The following HRH1 variants were observed in gnomAD, a reference collection of about 807,000 sequenced individuals.
HRH1 encodes histamine receptor H1, also known as histamine H1 receptor.
In HRH1, 6 loss-of-function variants were observed where a neutral mutation model predicts 10.3. The observed-to-expected ratio is 0.58, with a 90% confidence interval of 0.32 to 1.15. The LOEUF (loss-of-function observed/expected upper bound fraction) is 1.15. Ranked by LOEUF, HRH1 falls within the 50% of genes most tolerant of loss-of-function variation. HRH1 has a pLI of 0.05. For missense variants in HRH1, 514 were observed against 615.3 expected (o/e 0.84, Z 1.74); for synonymous variants, 242 against 236.7 (o/e 1.02, Z -0.21).
intron 1 of HRH1, among the ~76,000 whole-genome samples, chr3:11,187,253 C>A (rs995681983): frequency 1.3e-5 from 2 of 152,052 alleles, no homozygotes; most frequent in African/African-American, 4.8e-5. Flanking sequence ...TTTCAGTCTC[C>A]TGTGACACAA....
intron 1 of HRH1, among the ~76,000 whole-genome samples, chr3:11,246,772 G>A (rs368453467): frequency 9.9e-5 from 15 of 152,060 alleles, no homozygotes; most frequent in South Asian, 2.1e-4. Flanking sequence ...GGCTGGGCAC[G>A]GTGACTCACC....
At chr3:11,193,247 G>C (rs1031466858) in intron 1 of HRH1, among the ~76,000 whole-genome samples, 5 of 152,176 alleles carry the variant, frequency 3.3e-5, no homozygotes, top group African/African-American at 9.7e-5. Context: ...CCTCTCCTAA[G>C]TTAAAATAAT....
At chr3:11,203,543 G>A (rs1938009597) in intron 1 of HRH1, among the ~76,000 whole-genome samples, 1 of 152,092 alleles carries the variant, frequency 6.6e-6, no homozygotes, top group African/African-American at 2.4e-5. Flanking sequence ...AAGGGTGTAA[G>A]GTCTGTATCT....
intron 1 of HRH1, among the ~76,000 whole-genome samples, chr3:11,188,611 A>G (rs1937490824): frequency 6.6e-6 from 1 of 152,252 alleles, no homozygotes; most frequent in Non-Finnish European, 1.5e-5. Context: ...AAGGACGTGC[A>G]TTACAATTCT....
chr3:11,156,348 A>G (rs1936794656), intron 1 of HRH1, among the ~76,000 whole-genome samples: 1 of 152,048 alleles, frequency 6.6e-6, no homozygotes. Context: ...TGCACCCCAG[A>G]GTGGTTTGGC....
At chr3:11,256,844 T>C (rs1307164704) in intron 1 of HRH1, among the ~76,000 whole-genome samples, 1 of 152,046 alleles carries the variant, frequency 6.6e-6, no homozygotes, top group Admixed American at 6.5e-5. Context: ...AGAACTTATC[T>C]GGCTTTGTCT....
chr3:11,167,941 G>A (rs1409388937), intron 1 of HRH1, among the ~76,000 whole-genome samples: 1 of 152,220 alleles, frequency 6.6e-6, no homozygotes, highest in African/African-American at 2.4e-5. Flanking sequence ...GATGAACAAG[G>A]CGGGAGAACC....
chr3:11,180,943 A>C (rs1937339214), intron 1 of HRH1, among the ~76,000 whole-genome samples: 1 of 137,698 alleles, frequency 7.3e-6, no homozygotes, highest in African/African-American at 2.8e-5. Context: ...CACTTCTCTC[A>C]GGCATACACA....
chr3:11,240,309 T>G (rs1575036305), intron 1 of HRH1, among the ~76,000 whole-genome samples: 1 of 152,082 alleles, frequency 6.6e-6, no homozygotes, highest in East Asian at 1.9e-4. Context: ...AATGAAACAA[T>G]TGAATAATTG....
rs1939975244 is a variant in HRH1 at position 11,262,253 on chromosome 3, G to A, written c.*1752G>A. ...TCCTCTTTGCATGATCTGTCAAAGTGAGATATTTTTACCTGCCTAAAATAT... is the reference window on the plus strand; with the variant it reads ...TCCTCTTTGCATGATCTGTCAAAGTAAGATATTTTTACCTGCCTAAAATAT... On this transcript the variant is annotated 3_prime_UTR_variant, in exon 2 of 2. Coordinates refer to ENST00000431010, the MANE Select transcript of HRH1 (RefSeq NM_001098212.2). 6.0e-6 allele frequency: 1 copy of A among 167,006 alleles called. No homozygotes were observed. The highest frequency in any genetic ancestry group is 1.5e-5 in the Non-Finnish European group (1 of 68,118). 10.3% of individuals were successfully genotyped at this position (167,006 alleles called of 1,614,324 possible).
intron 1 of HRH1, among the ~76,000 whole-genome samples, chr3:11,189,479 A>T (rs1187394757): frequency 6.6e-6 from 1 of 152,174 alleles, no homozygotes; most frequent in Admixed American, 6.5e-5. Context: ...TTATAACGAG[A>T]TCCTTGGCAT....
chr3:11,162,055 C>T (rs1000619565), intron 1 of HRH1, among the ~76,000 whole-genome samples: 1 of 152,156 alleles, frequency 6.6e-6, no homozygotes, highest in African/African-American at 2.4e-5. Context: ...GCTGAGTTGC[C>T]CACTCAGGTA....
intron 1 of HRH1, among the ~76,000 whole-genome samples, chr3:11,214,360 G>A (rs1374509431): frequency 1.3e-5 from 2 of 152,180 alleles, no homozygotes; most frequent in Non-Finnish European, 2.9e-5. Context: ...CTGAAGAGAG[G>A]CAGAAGTTAT....
chr3:11,210,369 G>A (rs1938285410), intron 1 of HRH1, among the ~76,000 whole-genome samples: 1 of 152,038 alleles, frequency 6.6e-6, no homozygotes, highest in Non-Finnish European at 1.5e-5. Context: ...TATCCAGCCT[G>A]GGTGACAAAA....
At position 11,184,917 on chromosome 3, in the gene HRH1, CAA is replaced by C. The variant is rs11360744; in HGVS notation, c.-36+30380_-36+30381del. ...TGGGCAACAGAGCCAGACTCCATTT[CAA>C]AAAAAAAAAAAAAAAAGAATCAGGC... On this transcript the variant is annotated intron_variant, in intron 1 of 1. Coordinates refer to ENST00000431010, the MANE Select transcript of HRH1 (RefSeq NM_001098212.2). 1.1e-3 allele frequency among the ~76,000 whole-genome samples: 133 copies of C among 117,234 alleles called. 1 individual carries two copies. Among genetic ancestry groups the C allele is most frequent in the African/African-American group, 1.2e-3 (36 of 30,230 alleles). The allele number at this position is 117,234 out of a possible 152,430, so 76.9% of individuals were successfully genotyped here. A position where few individuals can be genotyped will look rare whatever the true frequency, so the allele number is the denominator to read the frequency against.
rs982782133 is a variant in HRH1 at position 11,186,724 on chromosome 3, T to C, written c.-36+32170T>C. 5.8e-4 allele frequency among the ~76,000 whole-genome samples: 89 copies of C among 152,194 alleles called. 1 individual carries two copies. The highest frequency in any genetic ancestry group is 1.2e-3 in the Non-Finnish European group (82 of 68,040). On this transcript the variant is annotated intron_variant, in intron 1 of 1. Coordinates refer to ENST00000431010, the MANE Select transcript of HRH1 (RefSeq NM_001098212.2). ...TGGGGGACCTAATTTCTAGTCTGTT[T>C]TGTGCCACAGGTTGTTTTGGGCTAA... is the stretch of plus-strand genomic sequence containing the variant.
chr3:11,190,440 G>C (rs906090632), intron 1 of HRH1, among the ~76,000 whole-genome samples: 13 of 152,006 alleles, frequency 8.6e-5, no homozygotes, highest in African/African-American at 3.1e-4. Context: ...TGGAGTGCTG[G>C]AGTGCAGTGG....
intron 1 of HRH1, among the ~76,000 whole-genome samples, chr3:11,193,884 G>A (rs1937594343): frequency 6.6e-6 from 1 of 152,226 alleles, no homozygotes; most frequent in Non-Finnish European, 1.5e-5. Context: ...CAGACCTTAA[G>A]CAGCTGGATA....
At chr3:11,192,913 T>C (rs1486983134) in intron 1 of HRH1, among the ~76,000 whole-genome samples, 1 of 152,188 alleles carries the variant, frequency 6.6e-6, no homozygotes, top group African/African-American at 2.4e-5. Flanking sequence ...ATTAGAGGTA[T>C]GGGCTAATCT....
Sources: allele counts gnomAD v4.1 joint callset (sites outside exome capture counted in the v4.1 genomes callset), GRCh38; gene constraint gnomAD v4.1.1; transcripts MANE v1.5; gene names NCBI Gene and HGNC (gene_info 2026-07-23, HGNC 2026-07-21).